Variants in CACNA1B observed in about 807,000 individuals in gnomAD.
CACNA1B encodes calcium voltage-gated channel subunit alpha1 B.
A neutral mutation model predicts 247.2 loss-of-function variants in CACNA1B; 70 were observed. That is an observed-to-expected ratio of 0.28 (90% CI 0.23 to 0.35). The LOEUF (loss-of-function observed/expected upper bound fraction) is 0.35, where lower values mean the gene tolerates loss of function less well. CACNA1B is among the 10% of genes least tolerant of loss of function. CACNA1B has a pLI of 1.00. For missense variants in CACNA1B, 2,367 were observed against 3,197.4 expected (o/e 0.74, Z 6.26); for synonymous variants, 1,231 against 1,294.4 (o/e 0.95, Z 1.05).
intron 5 of CACNA1B, among the ~76,000 whole-genome samples, chr9:137,916,015 A>G (rs1047025206): frequency 1.7e-4 from 25 of 150,590 alleles, no homozygotes; most frequent in African/African-American, 6.1e-4. Context: ...AGATATTTTC[A>G]TGTGTTGTTA....
chr9:137,949,249 GGT>G (rs879709630), intron 6 of CACNA1B, among the ~76,000 whole-genome samples: 18 of 127,608 alleles, frequency 1.4e-4, no homozygotes, highest in East Asian at 4.8e-4. Context: ...GCATGTGTGT[GGT>G]GTGTGGTGCG....
rs36010860 is a variant in CACNA1B at position 138,047,386 on chromosome 9, CT to C, written c.3544-9del. The C allele has an allele frequency of 6.2e-7, 1 of 1,601,420 alleles. No homozygotes were observed. Among genetic ancestry groups the C allele is most frequent in the Non-Finnish European group, 8.6e-7 (1 of 1,168,422 alleles). On this transcript the variant is annotated splice_polypyrimidine_tract_variant and intron_variant, in intron 22 of 46. Transcript: ENST00000371372. Reference sequence around the variant, plus strand: ...AGCCCAGCCTTTGAGAATAACCTTCCTTTTGGTTTCAGGCTCTGAAATACCT... The same window carrying C: ...AGCCCAGCCTTTGAGAATAACCTTCCTTTGGTTTCAGGCTCTGAAATACCT...
intron 5 of CACNA1B, among the ~76,000 whole-genome samples, chr9:137,915,945 TA>T (rs1367483415): frequency 6.6e-6 from 1 of 152,110 alleles, no homozygotes; most frequent in Non-Finnish European, 1.5e-5. Context: ...TTTTGCCTTC[TA>T]AACCTGGGAG....
In CACNA1B at chr9:138,012,574, C is replaced by T. The variant is rs910070969; in HGVS notation, c.2161-555C>T. Among the ~76,000 whole-genome samples, 3 of 151,886 alleles carry T rather than the reference C, an allele frequency of 2.0e-5. No individual in the cohort carries two copies. Among genetic ancestry groups the T allele is most frequent in the African/African-American group, 7.3e-5 (3 of 41,348 alleles). On this transcript the variant is annotated intron_variant, in intron 17 of 46. Coordinates refer to ENST00000371372, the MANE Select transcript of CACNA1B (RefSeq NM_000718.4). This position sits in a 1 kb window ranked among gnomAD's most constrained non-coding sequence, Gnocchi z 4.2. ...ATTAAATTAAAAAAATTTAGCCAGT[C>T]GTGATGACACGTGCTTGGAGTCCCA...
intron 15 of CACNA1B, among the ~76,000 whole-genome samples, chr9:137,996,238 G>A (rs1015018632): frequency 6.6e-6 from 1 of 152,212 alleles, no homozygotes. Flanking sequence ...ATTTGGAATT[G>A]CAAAAATATG....
rs1303008322 is a variant in CACNA1B at position 138,023,638 on chromosome 9, G to T, written c.2895G>T (p.Gly965=). The change falls in exon 19 of 47, where the codon GGG becomes GGT. Residue 965 remains glycine (G), a synonymous_variant. Coordinates refer to ENST00000371372, the MANE Select transcript of CACNA1B (RefSeq NM_000718.4). ...GGCACCGCGGCGGCCCCCGAGCGGG[G>T]CCCCGGGAGGCGGAGAGCGGGGAGG... is the stretch of plus-strand genomic sequence containing the variant. ...RARHRGGPRA[G]PREAESGEEP... is the part of the protein sequence containing the mutation. 2.9e-6 allele frequency: 4 copies of T among 1,388,920 alleles called. No homozygotes were observed. The highest frequency in any genetic ancestry group is 3.1e-5 in the South Asian group (2 of 64,456). 86.0% of individuals were successfully genotyped at this position (1,388,920 alleles called of 1,614,324 possible).
At chr9:137,939,830 A>AT (rs1406583645) in intron 6 of CACNA1B, among the ~76,000 whole-genome samples, 1 of 137,976 alleles carries the variant, frequency 7.2e-6, no homozygotes, top group Non-Finnish European at 1.5e-5. Flanking sequence ...AAATAAATAA[A>AT]TAAATAAATA....
In CACNA1B at chr9:137,881,336, A is replaced by G. The variant is rs1471893785; in HGVS notation, c.391-1408A>G. On this transcript the variant is annotated intron_variant, in intron 2 of 46. Transcript: ENST00000371372. The surrounding 1 kb of genome is among the most constrained non-coding windows in gnomAD (Gnocchi z 4.3). ...GCCAGCCAAGCCTTGGGCCAGCTCC[A>G]CCACAGGACAGGAGGAGCCCAGGCT... 6.6e-6 allele frequency among the ~76,000 whole-genome samples: 1 copy of G among 152,120 alleles called. No individual in the cohort carries two copies. The highest frequency in any genetic ancestry group is 1.5e-5 in the Non-Finnish European group (1 of 68,014).
intron 20 of CACNA1B, among the ~76,000 whole-genome samples, chr9:138,028,952 G>A (rs1166989574): frequency 6.6e-6 from 1 of 152,210 alleles, no homozygotes; most frequent in Admixed American, 6.5e-5. Flanking sequence ...TGTAGGCTCA[G>A]TTAGCCACTT....
chr9:137,889,987 G>T (rs1415262475), intron 3 of CACNA1B: 3 of 149,544 alleles, frequency 2.0e-5, no homozygotes, highest in African/African-American at 7.3e-5. Flanking sequence ...CGGGGTGAGG[G>T]TCCACACTGC....
At chr9:137,883,786 G>A (rs1373763243) in intron 3 of CACNA1B, among the ~76,000 whole-genome samples, 39 of 152,298 alleles carry the variant, frequency 2.6e-4, no homozygotes, top group African/African-American at 9.1e-4. Flanking sequence ...TTATGGTTCC[G>A]AGGCTCAGAG....
intron 10 of CACNA1B, among the ~76,000 whole-genome samples, chr9:137,965,407 G>A (rs999807893): frequency 4.6e-5 from 7 of 152,188 alleles, no homozygotes; most frequent in African/African-American, 7.2e-5. Flanking sequence ...TTGGCCGGGC[G>A]CGGTGGCGCA....
intron 13 of CACNA1B, among the ~76,000 whole-genome samples, chr9:137,985,367 G>A (rs945532356): frequency 6.6e-6 from 1 of 152,190 alleles, no homozygotes; most frequent in Non-Finnish European, 1.5e-5. Flanking sequence ...CTGGTGTGAG[G>A]CTTCAGGAAG....
chr9:138,101,024 TC>T (rs1340017360), intron 37 of CACNA1B: 2 of 462,464 alleles, frequency 4.3e-6, no homozygotes, highest in South Asian at 1.6e-5. Flanking sequence ...AGGTCGGTCT[TC>T]CCATCACAGG....
In CACNA1B at chr9:138,100,601, T is replaced by C. The variant is rs1961220075; in HGVS notation, c.5223-2110T>C. Among the ~76,000 whole-genome samples, 1 of 152,010 alleles carries C rather than the reference T, an allele frequency of 6.6e-6. No individual in the cohort carries two copies. Among genetic ancestry groups the C allele is most frequent in the African/African-American group, 2.4e-5 (1 of 41,382 alleles). ...TAGGAGAGAGGAGCATTGGTGGTGA[T>C]CCAAGGATGCCAGCCTACGATGAGA... On this transcript the variant is annotated intron_variant, in intron 37 of 46. Coordinates refer to ENST00000371372, the MANE Select transcript of CACNA1B (RefSeq NM_000718.4). This position sits in a 1 kb window ranked among gnomAD's most constrained non-coding sequence, Gnocchi z 4.6.
rs1554917496 is a variant in CACNA1B, at chr9:137,877,785, T to TGAGGCG, written c.-147_-142dup. Reference sequence around the variant, plus strand: ...CGTGGCGCGGGGCCGCGGAGTCGGGTGAGGCGGCGGCGGCTGCGGCGGTGG... The same window carrying TGAGGCG: ...CGTGGCGCGGGGCCGCGGAGTCGGGTGAGGCGGAGGCGGCGGCGGCTGCGGCGGTGG... On this transcript the variant is annotated 5_prime_UTR_variant, in exon 1 of 47. Transcript: ENST00000371372. 7.9e-6 allele frequency: 2 copies of TGAGGCG among 253,826 alleles called. No homozygotes were observed. Among genetic ancestry groups the TGAGGCG allele is most frequent in the Non-Finnish European group, 1.2e-5 (2 of 164,566 alleles). The allele number at this position is 253,826 out of a possible 1,614,324, so 15.7% of individuals were successfully genotyped here. A position where few individuals can be genotyped will look rare whatever the true frequency, so the allele number is the denominator to read the frequency against.
intron 15 of CACNA1B, among the ~76,000 whole-genome samples, chr9:137,999,624 C>T (rs1389943295): frequency 6.6e-6 from 1 of 152,112 alleles, no homozygotes; most frequent in African/African-American, 2.4e-5. Context: ...GTCCTCCCAC[C>T]TCAGTCTCCC....
chr9:137,890,377 G>C lies in CACNA1B; in HGVS notation c.530+7494G>C, dbSNP rs572806749. 6 of 149,642 alleles carry C rather than the reference G, an allele frequency of 4.0e-5. No homozygotes were observed. In the South Asian group the frequency reaches 1.1e-3, roughly 26 times the overall value. 9.3% of individuals were successfully genotyped at this position (149,642 alleles called of 1,614,324 possible). A position where few individuals can be genotyped will look rare whatever the true frequency, so the allele number is the denominator to read the frequency against. On this transcript the variant is annotated intron_variant, in intron 3 of 46. Transcript: ENST00000371372. ...TGGGAGATAAGGAAGGGAGGTTTCA[G>C]CTCAACCCAGAGAAGGACTTTCATC... is the stretch of plus-strand genomic sequence containing the variant.
Position 138,121,885 on chromosome 9 carries a change from C to T in CACNA1B, c.6906C>T (p.Ser2302=). 4.3e-6 allele frequency: 7 copies of T among 1,613,082 alleles called. No homozygotes were observed. The highest frequency in any genetic ancestry group is 5.9e-6 in the Non-Finnish European group (7 of 1,179,868). The change falls in exon 47 of 47, where the codon TCC becomes TCT. Residue 2302 remains serine (S), a synonymous_variant. Coordinates refer to ENST00000371372, the MANE Select transcript of CACNA1B (RefSeq NM_000718.4). The surrounding 1 kb of genome is among the most constrained non-coding windows in gnomAD (Gnocchi z 6.8). ...SRTSYVSSLT[S]QSHPLRRVPN... ...CTTCCTACGTGTCCTCCCTGACCTC[C>T]CAGTCTCACCCTCTCCGCCGCGTGC...
Sources: allele counts gnomAD v4.1 joint callset (sites outside exome capture counted in the v4.1 genomes callset), GRCh38; gene constraint gnomAD v4.1.1; non-coding constraint Gnocchi (gnomAD v3.1); transcripts MANE v1.5; gene names NCBI Gene and HGNC (gene_info 2026-07-23, HGNC 2026-07-21).